Variants in BMP5 observed in about 807,000 individuals in gnomAD.
BMP5 encodes the protein bone morphogenetic protein 5.
BMP5 carries 23 observed loss-of-function variants against 46.6 expected under a neutral mutation model. The ratio of observed to expected loss-of-function variants is 0.49; its 90% confidence interval spans 0.35 to 0.70. The LOEUF is 0.70. Ranked by LOEUF, BMP5 falls within the 30% of genes least tolerant of loss-of-function variation. The probability of loss-of-function intolerance (pLI) is 0.00; values close to 1 mark genes in which losing one functional copy is unlikely to be tolerated. For synonymous variants in BMP5, 204 were observed against 191.9 expected, an observed-to-expected ratio of 1.06 and a Z score of -0.52; for missense variants, 545 against 565.6, an observed-to-expected ratio of 0.96 and a Z score of 0.37.
intron 1 of BMP5, among the ~76,000 whole-genome samples, chr6:55,861,401 C>T (rs951501542): frequency 1.3e-5 from 2 of 152,194 alleles, no homozygotes; most frequent in Admixed American, 1.3e-4. Flanking sequence ...TCTTTTAAGG[C>T]CTATTACTAT....
chr6:55,843,825 A>T (rs1054616248), intron 1 of BMP5, among the ~76,000 whole-genome samples: 1 of 152,068 alleles, frequency 6.6e-6, no homozygotes, highest in African/African-American at 2.4e-5. Flanking sequence ...CAAAATTCAT[A>T]CTTTTATTAT....
At chr6:55,807,832 A>T (rs1776027333) in intron 2 of BMP5, among the ~76,000 whole-genome samples, 1 of 152,058 alleles carries the variant, frequency 6.6e-6, no homozygotes, top group Non-Finnish European at 1.5e-5. Context: ...TCTAGATTTT[A>T]TAGTTTATTT....
At chr6:55,819,334 T>C (rs1439527548) in intron 2 of BMP5, among the ~76,000 whole-genome samples, 1 of 152,190 alleles carries the variant, frequency 6.6e-6, no homozygotes, top group Non-Finnish European at 1.5e-5. Context: ...ATACATTTCA[T>C]GTGGGCAGAA....
chr6:55,840,093 A>G (rs1314170579), intron 1 of BMP5, among the ~76,000 whole-genome samples: 1 of 152,132 alleles, frequency 6.6e-6, no homozygotes, highest in African/African-American at 2.4e-5. Flanking sequence ...AGTTTTTAAT[A>G]TAGAAATCTT....
intron 3 of BMP5, 77 bp from the exon 4 acceptor site, chr6:55,774,320 CTTTGAAAAGGGGAA>C (rs1775120183): frequency 7.1e-7 from 1 of 1,416,722 alleles, no homozygotes; most frequent in Non-Finnish European, 9.9e-7. Context: ...TCTGAGGGTA[CTTTGAAAAGGGGAA>C]AAGTTTTAAA....
At chr6:55,811,697 CTCTT>C (rs1776138850) in intron 2 of BMP5, among the ~76,000 whole-genome samples, 1 of 151,996 alleles carries the variant, frequency 6.6e-6, no homozygotes, top group African/African-American at 2.4e-5. Context: ...CCCTCTCTCT[CTCTT>C]TCTCTCTCTC....
chr6:55,760,229 A>G (rs1237005533), intron 5 of BMP5, among the ~76,000 whole-genome samples: 1 of 151,988 alleles, frequency 6.6e-6, no homozygotes, highest in East Asian at 1.9e-4. Flanking sequence ...TTAGTGTTCT[A>G]TGTCTCATTC....
At chr6:55,797,879 G>A (rs1433928875) in intron 2 of BMP5, among the ~76,000 whole-genome samples, 1 of 152,114 alleles carries the variant, frequency 6.6e-6, no homozygotes, top group South Asian at 2.1e-4. Context: ...GCCTCCCAAA[G>A]TGCTGGGATT....
rs1272007990 is a variant in BMP5, at chr6:55,797,775, C to A, written c.684-3348G>T. Among the ~76,000 whole-genome samples the A allele has an allele frequency of 2.0e-5, 3 of 151,784 alleles. No individual in the cohort carries two copies. The East Asian group carries it at 5.8e-4, about 29-fold the overall frequency. ...GGGACTACAGGCGCCTGCCACCACG[C>A]CCGGCTAATTTTTTATATTTTTAGT... is the stretch of plus-strand genomic sequence containing the variant. On this transcript the variant is annotated intron_variant, in intron 2 of 6. Transcript: ENST00000370830.
At chr6:55,774,979 G>GC (rs1775139082) in intron 3 of BMP5, among the ~76,000 whole-genome samples, 2 of 151,852 alleles carry the variant, frequency 1.3e-5, no homozygotes, top group African/African-American at 4.8e-5. Context: ...TTACTGAAAG[G>GC]AATTCAGAAG....
At chr6:55,791,550 G>A (rs910893466) in intron 3 of BMP5, among the ~76,000 whole-genome samples, 3 of 151,996 alleles carry the variant, frequency 2.0e-5, no homozygotes, top group African/African-American at 2.4e-5. Flanking sequence ...GTAATTTAAA[G>A]TAAAATTACC....
At chr6:55,830,971 T>A (rs1776650163) in intron 1 of BMP5, among the ~76,000 whole-genome samples, 1 of 152,050 alleles carries the variant, frequency 6.6e-6, no homozygotes, top group Non-Finnish European at 1.5e-5. Flanking sequence ...TTAGACTTTT[T>A]TTTTCCTAAA....
At chr6:55,853,217 T>TAAA (rs1162951620) in intron 1 of BMP5, among the ~76,000 whole-genome samples, 4 of 115,870 alleles carry the variant, frequency 3.5e-5, no homozygotes, top group Non-Finnish European at 7.9e-5. Context: ...TAAAATAAAA[T>TAAA]AAGATAAAAT....
intron 3 of BMP5, among the ~76,000 whole-genome samples, chr6:55,779,917 AT>A: frequency 6.6e-6 from 1 of 152,060 alleles, no homozygotes; most frequent in East Asian, 1.9e-4. Flanking sequence ...ATTTTAAACT[AT>A]TTTTTAAGTA....
intron 2 of BMP5, among the ~76,000 whole-genome samples, chr6:55,803,169 G>T (rs964831882): frequency 2.7e-5 from 4 of 149,668 alleles, no homozygotes; most frequent in Middle Eastern, 3.2e-3. Context: ...GGGGGCAGGC[G>T]CCTGTAATCC....
At chr6:55,835,712 T>A (rs1198855813) in intron 1 of BMP5, among the ~76,000 whole-genome samples, 1 of 152,154 alleles carries the variant, frequency 6.6e-6, no homozygotes, top group Non-Finnish European at 1.5e-5. Flanking sequence ...ATTTTTCCTT[T>A]CTGAAATGCC....
rs9464289 is a variant in BMP5 at position 55,809,803 on chromosome 6, A to G, written c.683+9852T>C. Among the ~76,000 whole-genome samples, 543 of 152,280 alleles carry G rather than the reference A, an allele frequency of 3.6e-3. 5 individuals carry two copies. The highest frequency in any genetic ancestry group is 0.012 in the African/African-American group (512 of 41,562). Reference sequence around the variant, plus strand: ...TTAAGAAATTATCTAGAAGCTACACAGACAAATTTTAGAGGAAAGGATGCC... The same window carrying G: ...TTAAGAAATTATCTAGAAGCTACACGGACAAATTTTAGAGGAAAGGATGCC... On this transcript the variant is annotated intron_variant, in intron 2 of 6. Transcript: ENST00000370830.
chr6:55,820,717 G>GTTGT (rs3065793), intron 1 of BMP5, among the ~76,000 whole-genome samples: 18,526 of 151,266 alleles, frequency 0.12, 1,587 homozygotes, highest in African/African-American at 0.24. Context: ...TCTGCCCCGT[G>GTTGT]TTGTTTGTTT....
At chr6:55,794,219 C>A in intron 3 of BMP5, 60 bp downstream of exon 3, 6 of 1,577,742 alleles carry the variant, frequency 3.8e-6, no homozygotes, top group Non-Finnish European at 5.2e-6. Flanking sequence ...ACATAAAAAA[C>A]GATAACTCTC....
Sources: allele counts gnomAD v4.1 joint callset (sites outside exome capture counted in the v4.1 genomes callset), GRCh38; gene constraint gnomAD v4.1.1; transcripts MANE v1.5; gene names NCBI Gene and HGNC (gene_info 2026-07-23, HGNC 2026-07-21).